The following TRAP1 variants were observed in gnomAD, a reference collection of about 807,000 sequenced individuals.
TRAP1 encodes the protein heat shock protein 75 kDa, mitochondrial.
A neutral mutation model predicts 89.1 loss-of-function variants in TRAP1; 102 were observed. That is an observed-to-expected ratio of 1.15 (90% CI 0.98 to 1.35). The LOEUF (loss-of-function observed/expected upper bound fraction) is 1.35, where lower values mean the gene tolerates loss of function less well. Among genes scored for constraint, TRAP1 ranks in the 40% most tolerant of loss-of-function variants. The pLI is 0.00. For missense variants in TRAP1, 1,256 were observed against 945.3 expected, an observed-to-expected ratio of 1.33 and a Z score of -4.31; for synonymous variants, 508 against 388.0, an observed-to-expected ratio of 1.31 and a Z score of -3.64.
chr16:3,674,506 G>A lies in TRAP1; in HGVS notation c.889-12C>T. 4 of 1,613,192 alleles carry A rather than the reference G, an allele frequency of 2.5e-6. No homozygotes were observed. The highest frequency in any genetic ancestry group is 3.4e-6 in the Non-Finnish European group (4 of 1,179,824). ...ATCATCCAGATGGCCTGGAAACGGA[G>A]ATCGGCGGGGAGGGCGTCGTGTTCA... is the stretch of plus-strand genomic sequence containing the variant. On this transcript the variant is annotated splice_polypyrimidine_tract_variant and intron_variant, in intron 8 of 17. Coordinates refer to ENST00000246957, the MANE Select transcript of TRAP1 (RefSeq NM_016292.3).
intron 16 of TRAP1, 35 bp from the exon 17 acceptor site, chr16:3,658,900 G>T: frequency 1.2e-6 from 2 of 1,608,370 alleles, no homozygotes; most frequent in Non-Finnish European, 1.7e-6. Context: ...AAGCAGCTCA[G>T]TACCACGTGC....
At chr16:3,684,359 C>T (rs1045458688) in intron 4 of TRAP1, among the ~76,000 whole-genome samples, 1 of 152,074 alleles carries the variant, frequency 6.6e-6, no homozygotes, top group African/African-American at 2.4e-5. Flanking sequence ...CCTAGAAAAT[C>T]CCCTAAAAAT....
Position 3,686,100 on chromosome 16 carries a change from C to A in TRAP1, c.367G>T (p.Ala123Ser). 1 of 1,614,112 alleles carries A rather than the reference C, an allele frequency of 6.2e-7. No individual in the cohort carries two copies. The highest frequency in any genetic ancestry group is 2.2e-5 in the East Asian group (1 of 44,878). Reference sequence around the variant, plus strand: ...AGTTTGTGACGCAGTTTTTCCAAGGCATCGCTGGCATTGGAGATCAGCTCC... The same window carrying A: ...AGTTTGTGACGCAGTTTTTCCAAGGAATCGCTGGCATTGGAGATCAGCTCC... Reference protein sequence around the residue: ...IRELISNASDALEKLRHKLVS... With the variant: ...IRELISNASDSLEKLRHKLVS... The change falls in exon 4 of 18, where the codon GCC becomes TCC. Residue 123 changes from alanine (A) to serine (S), a missense_variant. Physicochemically the swap from Ala to Ser is moderately conservative, Grantham distance 99. Transcript: ENST00000246957.
chr16:3,677,427 C>T, intron 6 of TRAP1, 71 bp downstream of exon 6: 5 of 1,593,534 alleles, frequency 3.1e-6, no homozygotes, highest in Middle Eastern at 1.7e-4. Flanking sequence ...TGAGTCCATC[C>T]CTTTCCAAAC....
At chr16:3,680,327 T>A (rs1183322375) in intron 4 of TRAP1, among the ~76,000 whole-genome samples, 1 of 152,190 alleles carries the variant, frequency 6.6e-6, no homozygotes, top group Non-Finnish European at 1.5e-5. Flanking sequence ...GAAAGTTGCT[T>A]TGTTTGTTAA....
chr16:3,712,162 AC>A (rs1273803366), intron 1 of TRAP1, among the ~76,000 whole-genome samples: 1 of 151,446 alleles, frequency 6.6e-6, no homozygotes, highest in East Asian at 1.9e-4. Flanking sequence ...GGTGGCATGC[AC>A]CTGTAGTCCC....
chr16:3,712,220 C>T (rs748337002), intron 1 of TRAP1, among the ~76,000 whole-genome samples: 47 of 121,656 alleles, frequency 3.9e-4, no homozygotes, highest in Non-Finnish European at 1.8e-4. Flanking sequence ...ATTCAGGAGG[C>T]GGAAGTTGCA....
chr16:3,685,896 C>T (rs528784809), intron 4 of TRAP1, 100 bp downstream of exon 4: 49 of 1,379,972 alleles, frequency 3.6e-5, no homozygotes, highest in African/African-American at 2.3e-4. Flanking sequence ...GTGGTACGGA[C>T]GGCCAGTACG....
chr16:3,711,850 G>C (rs1226629332), intron 1 of TRAP1, among the ~76,000 whole-genome samples: 1 of 152,168 alleles, frequency 6.6e-6, no homozygotes, highest in African/African-American at 2.4e-5. Flanking sequence ...TCTTCAGTAG[G>C]ACTAAGCAGG....
At chr16:3,671,683 G>C in intron 11 of TRAP1, 39 bp downstream of exon 11, 1 of 1,603,320 alleles carries the variant, frequency 6.2e-7, no homozygotes, top group South Asian at 1.1e-5. Context: ...TAGGGGCCTT[G>C]TCCCCAGCAG....
In TRAP1 at chr16:3,686,056, T is replaced by C; in HGVS notation, c.411A>G (p.Ala137=). 2 of 1,614,092 alleles carry C rather than the reference T, an allele frequency of 1.2e-6. No individual in the cohort carries two copies. Among genetic ancestry groups the C allele is most frequent in the Admixed American group, 3.3e-5 (2 of 60,006 alleles). The change falls in exon 4 of 18, where the codon GCA becomes GCG. Residue 137 remains alanine, a synonymous_variant. Coordinates refer to ENST00000246957, the MANE Select transcript of TRAP1 (RefSeq NM_016292.3). ...LRHKLVSDGQ[A]LPEMEIHLQT... is the part of the protein sequence containing the mutation. Reference sequence around the variant, plus strand: ...GCAAGTGAATCTCCATTTCTGGCAGTGCTTGGCCGTCAGACACCAGTTTGT... The same window carrying C: ...GCAAGTGAATCTCCATTTCTGGCAGCGCTTGGCCGTCAGACACCAGTTTGT...
chr16:3,672,816 G>T lies in TRAP1; in HGVS notation c.1049C>A (p.Pro350Gln), dbSNP rs111548439. The T allele has an allele frequency of 9.9e-5, 159 of 1,612,036 alleles. No homozygotes were observed. Among genetic ancestry groups the T allele is most frequent in the Non-Finnish European group, 1.2e-4 (141 of 1,179,402 alleles). The part of the protein sequence containing the change: ...RSIFYVPDMK[P>Q]SMFDVSRELG... ...CTCCCGGCTCACATCAAACATGGAC[G>T]GTTTCTGGGGGTGAGGAGAACACGC... Residue 350 changes from proline to glutamine, a missense_variant, in exon 10 of 18, where the codon CCG (proline) becomes CAG (glutamine). Pro to Gln is a moderately conservative substitution (Grantham distance 76). Coordinates refer to ENST00000246957, the MANE Select transcript of TRAP1 (RefSeq NM_016292.3).
intron 1 of TRAP1, among the ~76,000 whole-genome samples, chr16:3,699,138 C>A (rs2051330858): frequency 2.6e-5 from 4 of 152,120 alleles, no homozygotes; most frequent in African/African-American, 9.7e-5. Flanking sequence ...CCACCCCCCA[C>A]ATCCCTACCC....
intron 1 of TRAP1, among the ~76,000 whole-genome samples, chr16:3,699,921 T>C (rs949843932): frequency 2.6e-5 from 4 of 152,004 alleles, no homozygotes; most frequent in Non-Finnish European, 5.9e-5. Flanking sequence ...GCAATCTTCC[T>C]ACCTTAGCCT....
At chr16:3,664,492 C>A in intron 12 of TRAP1, 33 bp from the exon 13 acceptor site, 1 of 1,583,844 alleles carries the variant, frequency 6.3e-7, no homozygotes. Flanking sequence ...CCACTTATTC[C>A]AGGCCCATGG....
At chr16:3,693,576 G>A (rs754891181) in intron 1 of TRAP1, among the ~76,000 whole-genome samples, 10 of 152,136 alleles carry the variant, frequency 6.6e-5, no homozygotes, top group African/African-American at 9.7e-5. Flanking sequence ...GAGCATATCA[G>A]TGTTTCTCAC....
chr16:3,716,807 C>A (rs551850296), intron 1 of TRAP1, among the ~76,000 whole-genome samples: 11 of 152,288 alleles, frequency 7.2e-5, no homozygotes, highest in African/African-American at 2.6e-4. Context: ...CAATTCCAGG[C>A]CCCGAGGACA....
intron 11 of TRAP1, among the ~76,000 whole-genome samples, chr16:3,670,784 C>T (rs990260320): frequency 6.6e-6 from 1 of 152,158 alleles, no homozygotes; most frequent in Admixed American, 6.5e-5. Context: ...GAAGGTGAGG[C>T]AGGAGGATAT....
intron 11 of TRAP1, among the ~76,000 whole-genome samples, chr16:3,670,406 A>AAAAAAAAAAAAAAAAAAAAC (rs2050897228): frequency 6.8e-6 from 1 of 148,146 alleles, no homozygotes; most frequent in African/African-American, 2.6e-5. Flanking sequence ...AAAAAAAAAA[A>AAAAAAAAAAAAAAAAAAAAC]AAAAATCTAA....
Sources: allele counts gnomAD v4.1 joint callset (sites outside exome capture counted in the v4.1 genomes callset), GRCh38; gene constraint gnomAD v4.1.1; transcripts MANE v1.5; gene names NCBI Gene and HGNC (gene_info 2026-07-23, HGNC 2026-07-21).